Variants in KIF6 observed in about 807,000 individuals in gnomAD.
KIF6 encodes kinesin family member 6.
A neutral mutation model predicts 112.7 loss-of-function variants in KIF6; 106 were observed. The ratio of observed to expected loss-of-function variants is 0.94; its 90% CI spans 0.80 to 1.11. The LOEUF (loss-of-function observed/expected upper bound fraction) is 1.11, where lower values mean the gene tolerates loss of function less well. KIF6 is among the 50% of genes least tolerant of loss of function. The pLI, the probability that KIF6 is intolerant of heterozygous loss-of-function variation, is 0.00. For synonymous variants in KIF6, 339 were observed against 339.9 expected, an observed-to-expected ratio of 1.00 and a Z score of 0.03; for missense variants, 929 against 964.0, an observed-to-expected ratio of 0.96 and a Z score of 0.48.
intron 3 of KIF6, among the ~76,000 whole-genome samples, chr6:39,649,758 A>C (rs770986052): frequency 2.0e-5 from 2 of 100,612 alleles, no homozygotes; most frequent in Non-Finnish European, 5.1e-5. Context: ...AGAAAGAAAG[A>C]AAGAAAGAAA....
intron 6 of KIF6, among the ~76,000 whole-genome samples, chr6:39,603,527 C>G (rs996810903): frequency 6.6e-6 from 1 of 150,784 alleles, no homozygotes; most frequent in Non-Finnish European, 1.5e-5. Flanking sequence ...AATGGTGATG[C>G]ATTTTTTTTT....
intron 13 of KIF6, among the ~76,000 whole-genome samples, chr6:39,432,039 C>T (rs573569552): frequency 6.8e-4 from 103 of 152,218 alleles, no homozygotes; most frequent in African/African-American, 2.4e-3. Flanking sequence ...AACTCTACCT[C>T]CGTGGAGCTT....
chr6:39,634,272 T>A (rs1434442463), intron 5 of KIF6, among the ~76,000 whole-genome samples: 1 of 152,164 alleles, frequency 6.6e-6, no homozygotes, highest in African/African-American at 2.4e-5. Context: ...TTGAGCAATG[T>A]TATATAAATG....
chr6:39,364,679 TG>T (rs200187403), intron 16 of KIF6, among the ~76,000 whole-genome samples: 5,446 of 152,318 alleles, frequency 0.036, 173 homozygotes, highest in Non-Finnish European at 0.048. Flanking sequence ...TACTAGGCAC[TG>T]GGCTAGGTCC....
chr6:39,619,722 T>C (rs978714423), intron 5 of KIF6, among the ~76,000 whole-genome samples: 2 of 152,148 alleles, frequency 1.3e-5, no homozygotes, highest in Non-Finnish European at 2.9e-5. Context: ...CCATACTAGG[T>C]GCAATTAATG....
intron 13 of KIF6, among the ~76,000 whole-genome samples, chr6:39,497,034 G>A (rs1222776393): frequency 1.3e-5 from 2 of 152,246 alleles, no homozygotes; most frequent in Non-Finnish European, 2.9e-5. Flanking sequence ...TTGCAGGCAG[G>A]CTTCAGTGCA....
In KIF6 at chr6:39,631,817, A is replaced by G. The variant is rs577408703; in HGVS notation, c.509+3032T>C. On this transcript the variant is annotated intron_variant, in intron 5 of 22. Transcript: ENST00000287152. Reference sequence around the variant, plus strand: ...GAATTGTTCTCTCTCCTATTTCCTGAAAGAGATTATGTAAAATTGGTGTTA... The same window carrying G: ...GAATTGTTCTCTCTCCTATTTCCTGGAAGAGATTATGTAAAATTGGTGTTA... 1.5e-4 allele frequency among the ~76,000 whole-genome samples: 23 copies of G among 151,974 alleles called. No homozygotes were observed. In the South Asian group the frequency reaches 4.6e-3, roughly 30 times the overall value.
intron 3 of KIF6, among the ~76,000 whole-genome samples, chr6:39,679,201 C>T (rs1288123580): frequency 6.6e-6 from 1 of 152,118 alleles, no homozygotes; most frequent in East Asian, 1.9e-4. Flanking sequence ...ACTAACTGTA[C>T]CTACTTGTGT....
chr6:39,683,171 A>C (rs976480767), intron 3 of KIF6, among the ~76,000 whole-genome samples: 3 of 152,220 alleles, frequency 2.0e-5, no homozygotes, highest in African/African-American at 7.2e-5. Flanking sequence ...CACTTTAAAC[A>C]GGGGGATGAT....
At chr6:39,626,345 C>A (rs767546273) in intron 5 of KIF6, among the ~76,000 whole-genome samples, 46 of 152,146 alleles carry the variant, frequency 3.0e-4, no homozygotes, top group Admixed American at 6.6e-4. Context: ...CAGACTGACA[C>A]AAGTGGCTCC....
At chr6:39,561,996 T>G (rs1288311619) in intron 10 of KIF6, among the ~76,000 whole-genome samples, 3 of 152,226 alleles carry the variant, frequency 2.0e-5, no homozygotes, top group African/African-American at 7.2e-5. Context: ...CTTTGGCTGA[T>G]GACAATGAAT....
At chr6:39,454,010 G>T (rs912040264) in intron 13 of KIF6, among the ~76,000 whole-genome samples, 1 of 152,058 alleles carries the variant, frequency 6.6e-6, no homozygotes, top group Non-Finnish European at 1.5e-5. Context: ...TACAGTAATA[G>T]AAATAGAAAA....
At position 39,334,016 on chromosome 6, in the gene KIF6, T is replaced by C. The variant is rs728218; in HGVS notation, c.*2516A>G. ...AGTGAACTCTGGGAAGGTGCACTGCTGTCAAGCATGTGTCCATATCAAAGG... is the reference window on the plus strand; with the variant it reads ...AGTGAACTCTGGGAAGGTGCACTGCCGTCAAGCATGTGTCCATATCAAAGG... On this transcript the variant is annotated 3_prime_UTR_variant, in exon 23 of 23. Transcript: ENST00000287152. The C allele has an allele frequency of 0.56, 85,855 of 152,216 alleles. 26,282 individuals carry two copies. The highest frequency in any genetic ancestry group is 0.82 in the African/African-American group (34,145 of 41,554). 9.4% of individuals were successfully genotyped at this position (152,216 alleles called of 1,614,324 possible). A position where few individuals can be genotyped will look rare whatever the true frequency, so the allele number is the denominator to read the frequency against.
chr6:39,422,513 G>A (rs968030802), intron 14 of KIF6, among the ~76,000 whole-genome samples: 1 of 152,300 alleles, frequency 6.6e-6, no homozygotes, highest in South Asian at 2.1e-4. Flanking sequence ...CCGTCACTCT[G>A]GAAGTTGTCA....
chr6:39,520,079 T>C (rs1235044516), intron 13 of KIF6, among the ~76,000 whole-genome samples: 1 of 152,086 alleles, frequency 6.6e-6, no homozygotes, highest in Non-Finnish European at 1.5e-5. Context: ...GCAGAGGTCA[T>C]GCATGCTAAT....
At chr6:39,590,764 A>C (rs1781908170) in intron 7 of KIF6, among the ~76,000 whole-genome samples, 1 of 152,116 alleles carries the variant, frequency 6.6e-6, no homozygotes, top group African/African-American at 2.4e-5. Flanking sequence ...GTTGATATTA[A>C]ATTAAATCAT....
intron 15 of KIF6, among the ~76,000 whole-genome samples, chr6:39,407,108 T>TA (rs1769143432): frequency 6.6e-6 from 1 of 151,270 alleles, no homozygotes; most frequent in South Asian, 2.1e-4. Context: ...ATTTAAATTC[T>TA]AAAAAAGACT....
At chr6:39,634,142 A>T (rs77089410) in intron 5 of KIF6, among the ~76,000 whole-genome samples, 1 of 152,160 alleles carries the variant, frequency 6.6e-6, no homozygotes, top group Non-Finnish European at 1.5e-5. Flanking sequence ...GTATTTAATA[A>T]GAATATAAAG....
rs933974233 is a variant in KIF6, at chr6:39,607,005, G to T, written c.639+6184C>A. Among the ~76,000 whole-genome samples, 5 of 152,122 alleles carry T rather than the reference G, an allele frequency of 3.3e-5. No individual in the cohort carries two copies. The East Asian group carries it at 9.6e-4, about 29-fold the overall frequency. On this transcript the variant is annotated intron_variant, in intron 6 of 22. Coordinates refer to ENST00000287152, the MANE Select transcript of KIF6 (RefSeq NM_145027.6). ...TTGGCAGGTTTTCTCATAGTTTGAG[G>T]TTATGGCTATTTCCTTGTTTCACTG...
Sources: gnomAD v4.1 joint callset for allele counts (sites outside exome capture counted in the v4.1 genomes callset) on GRCh38, gnomAD v4.1.1 for gene constraint, MANE v1.5 for transcripts, NCBI Gene and HGNC (gene_info 2026-07-23, HGNC 2026-07-21) for gene names.